Variants in TOP2B observed in about 807,000 individuals in gnomAD.
TOP2B encodes DNA topoisomerase 2-beta.
A neutral mutation model predicts 193.5 loss-of-function variants in TOP2B; 51 were observed. The observed-to-expected ratio is 0.26, with a 90% CI of 0.21 to 0.33. The LOEUF (loss-of-function observed/expected upper bound fraction) is 0.33. Among genes scored for constraint, TOP2B ranks in the 10% least tolerant of loss-of-function variants. The pLI is 1.00. For missense variants in TOP2B, 1,378 were observed against 1,909.3 expected (o/e 0.72, Z 5.19); for synonymous variants, 634 against 635.7 (o/e 1.00, Z 0.04).
At position 25,598,436 on chromosome 3, in the gene TOP2B, G is replaced by A. The variant is rs754192043; in HGVS notation, c.4752C>T (p.Asp1584=). 19 of 1,612,862 alleles carry A rather than the reference G, an allele frequency of 1.2e-5. No individual in the cohort carries two copies. The Admixed American group carries it at 2.3e-4, about 20-fold the overall frequency. The change falls in exon 36 of 36, where the codon GAC becomes GAT. Residue 1584 remains aspartate, a synonymous_variant. Coordinates refer to ENST00000264331, the MANE Select transcript of TOP2B (RefSeq NM_001330700.2). ...KTSFDQDSDV[D]IFPSDFPTEP... ...CAGTAGGGAAGTCTGAGGGGAAGAT[G>A]TCCACATCTGAATCCTGATCAAAAG...
rs1257346183 is a variant in TOP2B at position 25,638,586 on chromosome 3, G to C, written c.396-276C>G. On this transcript the variant is annotated intron_variant, in intron 4 of 35. Coordinates refer to ENST00000264331, the MANE Select transcript of TOP2B (RefSeq NM_001330700.2). ...AAAATTACAGATCTTAAACATCTCA[G>C]GATGACAAAAAAGGCAACATACTCA... 2.6e-5 allele frequency among the ~76,000 whole-genome samples: 4 copies of C among 151,626 alleles called. No homozygotes were observed. In the East Asian group the frequency reaches 7.7e-4, roughly 29 times the overall value.
intron 1 of TOP2B, among the ~76,000 whole-genome samples, chr3:25,653,589 C>A (rs1703658954): frequency 6.6e-6 from 1 of 152,074 alleles, no homozygotes; most frequent in Non-Finnish European, 1.5e-5. Flanking sequence ...GCCTCCACAC[C>A]TGGCTAATTT....
chr3:25,650,385 G>A (rs1370907844), intron 1 of TOP2B, among the ~76,000 whole-genome samples: 1 of 152,144 alleles, frequency 6.6e-6, no homozygotes, highest in Non-Finnish European at 1.5e-5. Context: ...GCTTTGATTG[G>A]ACCACTTCCA....
Position 25,615,434 on chromosome 3 carries a change from T to C in TOP2B, c.3504A>G (p.Ala1168=), listed in dbSNP as rs1702478469. The C allele has an allele frequency of 6.5e-7, 1 of 1,548,464 alleles. No homozygotes were observed. The highest frequency in any genetic ancestry group is 8.7e-7 in the Non-Finnish European group (1 of 1,150,674). The change falls in exon 26 of 36, where the codon GCA becomes GCG. Residue 1168 remains alanine, a synonymous_variant. Transcript: ENST00000264331. ...KVEELIKQRD[A]KGREVNDLKR... ...TTTAACCCACAAAAGTTCATACTTTTGCATCTCTCTGTTTAATCAGTTCTT... is the reference window on the plus strand; with the variant it reads ...TTTAACCCACAAAAGTTCATACTTTCGCATCTCTCTGTTTAATCAGTTCTT...
chr3:25,649,599 A>C (rs1309103711), intron 1 of TOP2B, among the ~76,000 whole-genome samples: 2 of 140,710 alleles, frequency 1.4e-5, no homozygotes, highest in African/African-American at 5.6e-5. Context: ...ATATATCTGA[A>C]GTACTGAAAG....
chr3:25,599,652 C>CT, intron 34 of TOP2B, 123 bp from the exon 35 acceptor site: 1 of 855,644 alleles, frequency 1.2e-6, no homozygotes, highest in South Asian at 1.9e-5. Context: ...GTCCTGATCT[C>CT]TTACTATGAG....
At chr3:25,599,323 C>A in intron 35 of TOP2B, 112 bp downstream of exon 35, 1 of 859,654 alleles carries the variant, frequency 1.2e-6, no homozygotes, top group East Asian at 2.7e-5. Flanking sequence ...CATATTGATA[C>A]GAGATGCTAG....
intron 1 of TOP2B, among the ~76,000 whole-genome samples, chr3:25,663,062 A>G (rs555692412): frequency 6.6e-6 from 1 of 152,312 alleles, no homozygotes; most frequent in Admixed American, 6.5e-5. Flanking sequence ...TCGGAGTAAT[A>G]TACAACATTC....
chr3:25,652,311 A>G (rs1703615794), intron 1 of TOP2B, among the ~76,000 whole-genome samples: 1 of 152,212 alleles, frequency 6.6e-6, no homozygotes, highest in African/African-American at 2.4e-5. Context: ...GAACAACACT[A>G]TAGACCAATT....
At chr3:25,601,875 G>A (rs191031514) in intron 33 of TOP2B, among the ~76,000 whole-genome samples, 66 of 152,180 alleles carry the variant, frequency 4.3e-4, no homozygotes, top group African/African-American at 1.5e-3. Flanking sequence ...CACAGATTAA[G>A]TCCTAACTTT....
intron 4 of TOP2B, among the ~76,000 whole-genome samples, chr3:25,638,705 T>G (rs1442184072): frequency 6.6e-6 from 1 of 151,248 alleles, no homozygotes; most frequent in Non-Finnish European, 1.5e-5. Context: ...CATCACAATT[T>G]CAAAAAAAAA....
rs549141861 is a variant in TOP2B, at chr3:25,623,841, T to C, written c.2496-95A>G. ...AAAAACTTCACACTGCAAAAACAAA[T>C]CTTTTGAAGAGAATGCATTTTTAAT... On this transcript the variant is annotated intron_variant, in intron 20 of 35. Coordinates refer to ENST00000264331, the MANE Select transcript of TOP2B (RefSeq NM_001330700.2). The C allele has an allele frequency of 5.3e-6, 4 of 759,834 alleles. No homozygotes were observed. In the East Asian group the frequency reaches 1.1e-4, roughly 20 times the overall value. The allele number at this position is 759,834 out of a possible 1,614,324, so 47.1% of individuals were successfully genotyped here. A position where few individuals can be genotyped will look rare whatever the true frequency, so the allele number is the denominator to read the frequency against.
chr3:25,615,138 A>G, intron 27 of TOP2B, 67 bp downstream of exon 27: 2 of 1,422,496 alleles, frequency 1.4e-6, no homozygotes, highest in South Asian at 2.5e-5. Flanking sequence ...AAGATCACTT[A>G]AAAGAATTTC....
intron 1 of TOP2B, among the ~76,000 whole-genome samples, chr3:25,648,337 G>A (rs967765433): frequency 6.6e-6 from 1 of 152,128 alleles, no homozygotes; most frequent in African/African-American, 2.4e-5. Flanking sequence ...GATGGACAGA[G>A]GCAAACCTCT....
chr3:25,652,055 C>T (rs1198691039), intron 1 of TOP2B, among the ~76,000 whole-genome samples: 1 of 152,156 alleles, frequency 6.6e-6, no homozygotes, highest in African/African-American at 2.4e-5. Context: ...GCCGTACTTA[C>T]ATCAGACAAC....
Position 25,616,180 on chromosome 3 carries a change from C to A in TOP2B, c.3352-594G>T, listed in dbSNP as rs1267340641. On this transcript the variant is annotated intron_variant, in intron 25 of 35. Transcript: ENST00000264331. ...GTCAGGGTTTTGCTGAAATTTTATT[C>A]ATCAGGCCCTTGTCTATAGAAACAG... Among the ~76,000 whole-genome samples the A allele has an allele frequency of 2.6e-5, 4 of 151,802 alleles. No homozygotes were observed. In the South Asian group the frequency reaches 6.2e-4, roughly 24 times the overall value.
Position 25,624,343 on chromosome 3 carries a change from C to T in TOP2B, c.2449G>A (p.Gly817Ser), listed in dbSNP as rs748753622. ...PIGQFGTRLH[G>S]GKDAASPRYI... ...CGAGGGCTTGCAGCATCTTTGCCAC[C>T]ATGAAGCCGAGTTCCAAACTGACCA... Residue 817 changes from glycine (G) to serine (S), a missense_variant, in exon 20 of 36, where the codon GGT becomes AGT. Gly to Ser is a moderately conservative substitution (Grantham distance 56, BLOSUM62 0). This residue lies in a region of TOP2B where 379 missense variants were observed against 615.1 expected (regional missense o/e 0.62). Coordinates refer to ENST00000264331, the MANE Select transcript of TOP2B (RefSeq NM_001330700.2). 3 of 1,613,908 alleles carry T rather than the reference C, an allele frequency of 1.9e-6. No homozygotes were observed. Among genetic ancestry groups the T allele is most frequent in the South Asian group, 2.2e-5 (2 of 91,074 alleles).
At chr3:25,605,448 T>C in intron 32 of TOP2B, among the ~76,000 whole-genome samples, 1 of 152,096 alleles carries the variant, frequency 6.6e-6, no homozygotes, top group Non-Finnish European at 1.5e-5. Context: ...TTTACACAAC[T>C]CTTTTGACAC....
At chr3:25,633,769 T>C in intron 8 of TOP2B, 72 bp downstream of exon 8, 1 of 1,319,114 alleles carries the variant, frequency 7.6e-7, no homozygotes, top group South Asian at 1.8e-5. Context: ...GTGGATATTG[T>C]TATTTGTTTT....
Sources: allele counts gnomAD v4.1 joint callset (sites outside exome capture counted in the v4.1 genomes callset), GRCh38; gene constraint gnomAD v4.1.1; regional missense constraint gnomAD v4.1.1; transcripts MANE v1.5; gene names NCBI Gene and HGNC (gene_info 2026-07-23, HGNC 2026-07-21).